The following RALGAPA1 variants were observed in gnomAD, a reference collection of about 807,000 sequenced individuals.
RALGAPA1 encodes the protein ral GTPase-activating protein subunit alpha-1.
Under a neutral mutation model 269.6 loss-of-function variants are expected in RALGAPA1, and 52 were observed. The ratio of observed to expected loss-of-function variants is 0.19; its 90% CI spans 0.15 to 0.24. The LOEUF (loss-of-function observed/expected upper bound fraction) is 0.24, where lower values mean the gene tolerates loss of function less well. Among genes scored for constraint, RALGAPA1 ranks in the 10% least tolerant of loss-of-function variants. RALGAPA1 has a pLI of 1.00. For synonymous variants in RALGAPA1, 817 were observed against 1,008.3 expected (o/e 0.81, Z 3.60); for missense variants, 1,917 against 3,013.9 (o/e 0.64, Z 8.52).
chr14:35,673,739 C>A (rs1160669543), intron 24 of RALGAPA1, among the ~76,000 whole-genome samples: 1 of 152,006 alleles, frequency 6.6e-6, no homozygotes, highest in Non-Finnish European at 1.5e-5. Context: ...CACCACCATG[C>A]CCAGCTAATT....
Position 35,700,092 on chromosome 14 carries a change from A to G in RALGAPA1, c.2407+70T>C, listed in dbSNP as rs1042655640. The G allele has an allele frequency of 5.8e-6, 8 of 1,375,538 alleles. No homozygotes were observed. In the African/African-American group the frequency reaches 7.4e-5, roughly 13 times the overall value. The allele number at this position is 1,375,538 out of a possible 1,614,324, so 85.2% of individuals were successfully genotyped here. A position where few individuals can be genotyped will look rare whatever the true frequency, so the allele number is the denominator to read the frequency against. ...TTAACTTTAAAGAGTTTATTTGATT[A>G]AGCAAAATTTGAAAGCAGAGGATTA... On this transcript the variant is annotated intron_variant, in intron 17 of 41. Transcript: ENST00000680220.
chr14:35,563,354 G>T (rs1407445252), intron 39 of RALGAPA1, among the ~76,000 whole-genome samples: 1 of 152,028 alleles, frequency 6.6e-6, no homozygotes, highest in African/African-American at 2.4e-5. Flanking sequence ...GCATTACTGG[G>T]GTAACAACAT....
At chr14:35,567,922 C>T (rs2056843084) in intron 39 of RALGAPA1, among the ~76,000 whole-genome samples, 2 of 152,116 alleles carry the variant, frequency 1.3e-5, no homozygotes, top group Admixed American at 6.5e-5. Context: ...CTTTCAATTG[C>T]ACCTTTAATG....
At chr14:35,675,564 A>G (rs1306636892) in intron 22 of RALGAPA1, among the ~76,000 whole-genome samples, 1 of 152,250 alleles carries the variant, frequency 6.6e-6, no homozygotes, top group Non-Finnish European at 1.5e-5. Flanking sequence ...ATTATAAGAA[A>G]CATAGGTAAT....
chr14:35,804,756 C>A (rs577602780), intron 1 of RALGAPA1, among the ~76,000 whole-genome samples: 1 of 148,642 alleles, frequency 6.7e-6, no homozygotes, highest in East Asian at 2.1e-4. Flanking sequence ...CAACATGAGA[C>A]CCCATCTCTA....
Position 35,634,708 on chromosome 14 carries a change from T to C in RALGAPA1, c.5861A>G (p.Tyr1954Cys). 1 of 1,612,640 alleles carries C rather than the reference T, an allele frequency of 6.2e-7. No homozygotes were observed. The part of the protein sequence containing the change: ...YGAQCFSNPR[Y>C]FPMSLSDLAS... ...CAAATCAGAGAGGCTCATGGGAAAA[T>C]ACCTTGGATTGCTAAAACACTGAGC... The change falls in exon 33 of 42, where the codon TAT becomes TGT. Residue 1954 changes from tyrosine to cysteine, a missense_variant. Physicochemically the swap from Tyr to Cys is radical, Grantham distance 194. Around this residue, in one of 11 missense-constraint regions of RALGAPA1, gnomAD observed 346 missense variants for 566.1 expected, o/e 0.61. Transcript: ENST00000680220.
rs190168571 is a variant in RALGAPA1 at position 35,790,189 on chromosome 14, G to A, written c.107-14444C>T. 2.0e-5 allele frequency among the ~76,000 whole-genome samples: 3 copies of A among 150,968 alleles called. No homozygotes were observed. In the East Asian group the frequency reaches 5.9e-4, roughly 30 times the overall value. ...AATAGCTTGAACCCTGGAGGCAGTG[G>A]TTGCAGTGAGCCGAGATCTCACCAC... is the stretch of plus-strand genomic sequence containing the variant. On this transcript the variant is annotated intron_variant, in intron 1 of 41. Transcript: ENST00000680220.
chr14:35,573,238 CAGAGAGAGTTA>C (rs2057343245), intron 37 of RALGAPA1, among the ~76,000 whole-genome samples: 1 of 152,056 alleles, frequency 6.6e-6, no homozygotes, highest in Admixed American at 6.6e-5. Context: ...TTCTGGCAAT[CAGAGAGAGTTA>C]ACATTATGAT....
intron 16 of RALGAPA1, among the ~76,000 whole-genome samples, chr14:35,719,613 T>G (rs2069181172): frequency 6.7e-6 from 1 of 149,176 alleles, no homozygotes; most frequent in Admixed American, 6.6e-5. Context: ...AGACAGCTAA[T>G]GGGTCTTTAT....
At position 35,800,397 on chromosome 14, in the gene RALGAPA1, T is replaced by C. The variant is rs371046335; in HGVS notation, c.106+8333A>G. The stretch of plus-strand genomic sequence containing the variant: ...TCAGGTTATAAAAAATAGTGTTTTC[T>C]AACTACAATGGAATTGAATTAGAAA... On this transcript the variant is annotated intron_variant, in intron 1 of 41. Coordinates refer to ENST00000680220, the MANE Select transcript of RALGAPA1 (RefSeq NM_001346249.2). 7.2e-5 allele frequency among the ~76,000 whole-genome samples: 11 copies of C among 152,328 alleles called. No homozygotes were observed. In the South Asian group the frequency reaches 8.3e-4, roughly 11 times the overall value.
intron 16 of RALGAPA1, among the ~76,000 whole-genome samples, chr14:35,702,528 C>T (rs1013958306): frequency 1.2e-4 from 18 of 152,062 alleles, no homozygotes; most frequent in African/African-American, 4.3e-4. Context: ...AGTTTTCCCG[C>T]TAGCTTCTTC....
At chr14:35,645,918 G>A (rs1257591414) in intron 31 of RALGAPA1, among the ~76,000 whole-genome samples, 1 of 152,002 alleles carries the variant, frequency 6.6e-6, no homozygotes, top group Non-Finnish European at 1.5e-5. Context: ...TTAAAAGCAT[G>A]CCCCCAAAAT....
chr14:35,663,440 A>C (rs545177907), intron 27 of RALGAPA1, among the ~76,000 whole-genome samples: 147 of 152,230 alleles, frequency 9.7e-4, no homozygotes, highest in Middle Eastern at 3.4e-3. Flanking sequence ...AAAACAAAAA[A>C]AAAAACACAT....
chr14:35,596,780 C>T (rs571595145), intron 36 of RALGAPA1, among the ~76,000 whole-genome samples: 2 of 152,212 alleles, frequency 1.3e-5, no homozygotes, highest in Non-Finnish European at 2.9e-5. Flanking sequence ...TCATGTCTCT[C>T]GCCTGCAACT....
intron 33 of RALGAPA1, 80 bp from the exon 34 acceptor site, chr14:35,628,031 A>C: frequency 1.4e-6 from 2 of 1,387,912 alleles, no homozygotes; most frequent in Non-Finnish European, 2.0e-6. Flanking sequence ...TAGACAACAA[A>C]TAGGGATTTT....
intron 39 of RALGAPA1, among the ~76,000 whole-genome samples, chr14:35,557,206 T>C (rs1229164012): frequency 6.6e-6 from 1 of 151,178 alleles, no homozygotes; most frequent in Admixed American, 6.6e-5. Flanking sequence ...ATTTCAAATT[T>C]AGTGAAATTA....
chr14:35,629,670 A>G (rs1234540269), intron 33 of RALGAPA1, among the ~76,000 whole-genome samples: 1 of 151,942 alleles, frequency 6.6e-6, no homozygotes, highest in Non-Finnish European at 1.5e-5. Context: ...ACGCCCAGCT[A>G]TTGTATTTTT....
At chr14:35,623,029 C>G (rs530891758) in intron 35 of RALGAPA1, among the ~76,000 whole-genome samples, 1 of 146,486 alleles carries the variant, frequency 6.8e-6, no homozygotes, top group Non-Finnish European at 1.5e-5. Flanking sequence ...CTGCAGTGAG[C>G]TGAAGTTGTG....
chr14:35,708,330 G>A (rs1415750982), intron 16 of RALGAPA1, among the ~76,000 whole-genome samples: 1 of 151,720 alleles, frequency 6.6e-6, no homozygotes, highest in Non-Finnish European at 1.5e-5. Context: ...CACAGAATGG[G>A]AAAAAATATT....
Sources: gnomAD v4.1 joint callset for allele counts (sites outside exome capture counted in the v4.1 genomes callset) on GRCh38, gnomAD v4.1.1 for gene constraint, gnomAD v4.1.1 regional missense constraint, MANE v1.5 for transcripts, NCBI Gene and HGNC (gene_info 2026-07-23, HGNC 2026-07-21) for gene names.